PHKA2: variants seen among roughly 807,000 people sequenced by gnomAD.
PHKA2 encodes phosphorylase b kinase regulatory subunit alpha, liver isoform.
Under a neutral mutation model 102.0 loss-of-function variants are expected in PHKA2, and 31 were observed. That is an observed-to-expected ratio of 0.30 (90% CI 0.23 to 0.41). The LOEUF (loss-of-function observed/expected upper bound fraction) is 0.41, where lower values mean the gene tolerates loss of function less well. Among genes scored for constraint, PHKA2 ranks in the 10% least tolerant of loss-of-function variants. The pLI is 1.00. For synonymous variants in PHKA2, 455 were observed against 416.2 expected (o/e 1.09, Z -1.13); for missense variants, 858 against 1,023.1 (o/e 0.84, Z 2.20).
chrX:18,911,332 C>T (rs1277272819), intron 19 of PHKA2, among the ~76,000 whole-genome samples: 5 of 111,629 alleles, frequency 4.5e-5, no homozygotes, highest in African/African-American at 1.3e-4. Context: ...TGCCACCACG[C>T]CTGGCTAATT....
chrX:18,900,190 T>C (rs113626435), intron 28 of PHKA2, among the ~76,000 whole-genome samples: 1 of 111,602 alleles, frequency 9.0e-6, no homozygotes, highest in African/African-American at 3.3e-5. Flanking sequence ...CATCAAAATA[T>C]TAGAAATGCG....
In PHKA2 at chrX:18,929,309, A is replaced by G; in HGVS notation, c.1246-3T>C. On this transcript the variant is annotated splice_polypyrimidine_tract_variant and splice_region_variant and intron_variant, in intron 12 of 32. Coordinates refer to ENST00000379942, the MANE Select transcript of PHKA2 (RefSeq NM_000292.3). ...ATTTCACCAGCGGCAAGGAATCCCTATGAAAAGAGGAGCATTAACACTATG... is the reference window on the plus strand; with the variant it reads ...ATTTCACCAGCGGCAAGGAATCCCTGTGAAAAGAGGAGCATTAACACTATG... 6.2e-6 allele frequency: 7 copies of G among 1,125,409 alleles called. No individual in the cohort carries two copies. The highest frequency in any genetic ancestry group is 8.4e-6 in the Non-Finnish European group (7 of 829,689). The allele number at this position is 1,125,409 out of a possible 1,213,427, so 92.7% of individuals were successfully genotyped here.
chrX:18,905,809 T>G lies in PHKA2; in HGVS notation c.2857A>C (p.Asn953His). ...LMNLSPFDMK[N>H]LLHHILSGKE... ...CCACTTAGAATATGGTGCAGGAGATTTTTCATATCGAAAGGGCTGAGGTTC... is the reference window on the plus strand; with the variant it reads ...CCACTTAGAATATGGTGCAGGAGATGTTTCATATCGAAAGGGCTGAGGTTC... The change falls in exon 26 of 33, where the codon AAT becomes CAT. Residue 953 changes from asparagine (N) to histidine (H), a missense_variant. Coordinates refer to ENST00000379942, the MANE Select transcript of PHKA2 (RefSeq NM_000292.3). 8.3e-7 allele frequency: 1 copy of G among 1,209,100 alleles called. No homozygotes were observed. Among genetic ancestry groups the G allele is most frequent in the Non-Finnish European group, 1.1e-6 (1 of 893,032 alleles).
chrX:18,899,998 G>C (rs1422253381), intron 28 of PHKA2, among the ~76,000 whole-genome samples: 1 of 111,567 alleles, frequency 9.0e-6, no homozygotes, highest in Non-Finnish European at 1.9e-5. Flanking sequence ...TCAGGCCATC[G>C]GGATGCGGGG....
chrX:18,894,937 T>A (rs1016231362), intron 31 of PHKA2: 2 of 468,680 alleles, frequency 4.3e-6, no homozygotes, highest in African/African-American at 4.8e-5. Context: ...GAGTCTCAGG[T>A]GAAGAAAAAG....
In PHKA2 at chrX:18,894,213, C is replaced by T. The variant is rs898448409; in HGVS notation, c.3528G>A (p.Leu1176=). The change falls in exon 32 of 33, where the codon TTG becomes TTA. Residue 1176 remains leucine (L), a synonymous_variant. Coordinates refer to ENST00000379942, the MANE Select transcript of PHKA2 (RefSeq NM_000292.3). Reference sequence around the variant, plus strand: ...TCCCTGGCACCCCCACCTGGTCCTGCAAGAACAGCTGACTGGCCATCTGCA... The same window carrying T: ...TCCCTGGCACCCCCACCTGGTCCTGTAAGAACAGCTGACTGGCCATCTGCA... ...QIVQMASQLF[L]QDQVSIGAMD... 1.7e-6 allele frequency: 2 copies of T among 1,211,310 alleles called. No homozygotes were observed. The highest frequency in any genetic ancestry group is 2.2e-5 in the Admixed American group (1 of 46,108).
At chrX:18,939,660 A>C (rs1207410024) in intron 9 of PHKA2, among the ~76,000 whole-genome samples, 2 of 111,147 alleles carry the variant, frequency 1.8e-5, no homozygotes, top group Non-Finnish European at 3.8e-5. Context: ...CACCCGGCTA[A>C]TTTTTTGTAT....
chrX:18,971,781 G>A (rs2049022405), intron 1 of PHKA2, among the ~76,000 whole-genome samples: 1 of 112,518 alleles, frequency 8.9e-6, no homozygotes, highest in Admixed American at 9.4e-5. Flanking sequence ...CAGCAATTCA[G>A]AAGCAGCTTT....
intron 6 of PHKA2, among the ~76,000 whole-genome samples, chrX:18,944,709 T>C (rs2048550592): frequency 8.9e-6 from 1 of 112,283 alleles, no homozygotes; most frequent in African/African-American, 3.2e-5. Flanking sequence ...TGTAGACTTT[T>C]GAACTTGTGA....
chrX:18,949,977 T>G (rs1032075309), intron 4 of PHKA2, among the ~76,000 whole-genome samples: 2 of 112,352 alleles, frequency 1.8e-5, no homozygotes, highest in African/African-American at 6.5e-5. Context: ...TTGACTGGAC[T>G]GGTAGGTGAT....
chrX:18,939,111 T>C (rs957671188), intron 9 of PHKA2, among the ~76,000 whole-genome samples: 7 of 112,344 alleles, frequency 6.2e-5, no homozygotes, highest in African/African-American at 2.3e-4. Context: ...TTAAGAAAAA[T>C]GTGTGAGCCA....
rs374029800 is a variant in PHKA2, at chrX:18,926,487, C to T, written c.1425G>A (p.Pro475=). 5.0e-6 allele frequency: 6 copies of T among 1,202,019 alleles called. No individual in the cohort carries two copies. Among genetic ancestry groups the T allele is most frequent in the South Asian group, 3.5e-5 (2 of 56,667 alleles). The change falls in exon 14 of 33, where the codon CCG becomes CCA. Residue 475 remains proline (P), a synonymous_variant. Transcript: ENST00000379942. ...IADIHPIQVQ[P]GRILSHIYAK... The stretch of plus-strand genomic sequence containing the variant: ...CATATATGTGACTAAGAATCCGGCC[C>T]GGCTGGACTTGAATTGGATGAATGT...
chrX:18,920,415 C>T (rs1229681004), intron 17 of PHKA2, among the ~76,000 whole-genome samples: 9 of 112,188 alleles, frequency 8.0e-5, no homozygotes, highest in Non-Finnish European at 1.5e-4. Context: ...TATTAAAAGC[C>T]AAATGAATCA....
At chrX:18,982,888 C>G (rs2049194498) in intron 1 of PHKA2, among the ~76,000 whole-genome samples, 1 of 112,060 alleles carries the variant, frequency 8.9e-6, no homozygotes, top group African/African-American at 3.2e-5. Flanking sequence ...GGACCTATAC[C>G]TTATGCATAA....
At chrX:18,974,150 C>T (rs956303745) in intron 1 of PHKA2, among the ~76,000 whole-genome samples, 2 of 110,480 alleles carry the variant, frequency 1.8e-5, no homozygotes, top group African/African-American at 6.6e-5. Context: ...CTTGCATTAT[C>T]AGTTTTTCCC....
At position 18,925,704 on chromosome X, in the gene PHKA2, A is replaced by G; in HGVS notation, c.1533T>C (p.Tyr511=). Residue 511 remains tyrosine, a synonymous_variant, in exon 15 of 33, where the codon TAT becomes TAC. Transcript: ENST00000379942. ...AAGTAAAGATTTGGTTCCTAATCAC[A>G]TATAGTTTAGAGGTTCCAAGGACAC... ...HIGVLGTSKL[Y]VIRNQIFTFT... The G allele has an allele frequency of 8.4e-7, 1 of 1,193,536 alleles. No homozygotes were observed. The highest frequency in any genetic ancestry group is 1.8e-5 in the South Asian group (1 of 56,581).
chrX:18,940,770 C>G (rs1470729117), intron 8 of PHKA2, among the ~76,000 whole-genome samples: 5 of 111,818 alleles, frequency 4.5e-5, no homozygotes, highest in African/African-American at 1.6e-4. Flanking sequence ...CCCTAGCGAC[C>G]AGCACCGCAC....
chrX:18,943,646 G>A, intron 7 of PHKA2, 64 bp downstream of exon 7: 1 of 901,217 alleles, frequency 1.1e-6, no homozygotes, highest in Non-Finnish European at 1.6e-6. Flanking sequence ...AATCTGCACT[G>A]GATCCCAGGC....
At position 18,920,025 on chromosome X, in the gene PHKA2, G is replaced by A. The variant is rs2048089246; in HGVS notation, c.1963+7C>T. 8.4e-7 allele frequency: 1 copy of A among 1,188,137 alleles called. No homozygotes were observed. The highest frequency in any genetic ancestry group is 1.1e-6 in the Non-Finnish European group (1 of 876,454). On this transcript the variant is annotated splice_region_variant and intron_variant, in intron 18 of 32. Coordinates refer to ENST00000379942, the MANE Select transcript of PHKA2 (RefSeq NM_000292.3). ...CGAACTACCCACAAAAGCATTCCAA[G>A]CTGTACCTTGATTACAGGTGTCTTC...
Sources: gnomAD v4.1 joint callset for allele counts (sites outside exome capture counted in the v4.1 genomes callset) on GRCh38, gnomAD v4.1.1 for gene constraint, MANE v1.5 for transcripts, NCBI Gene and HGNC (gene_info 2026-07-23, HGNC 2026-07-21) for gene names.